SND1: variants seen among roughly 807,000 people sequenced by gnomAD.
The protein encoded by SND1 is staphylococcal nuclease domain-containing protein 1.
Under a neutral mutation model 121.7 loss-of-function variants are expected in SND1, and 38 were observed. The observed-to-expected ratio is 0.31, with a 90% CI of 0.24 to 0.41. The LOEUF (loss-of-function observed/expected upper bound fraction) is 0.41, where lower values mean the gene tolerates loss of function less well. SND1 is among the 10% of genes least tolerant of loss of function. SND1 has a pLI of 1.00. For synonymous variants in SND1, 401 were observed against 447.4 expected (o/e 0.90, Z 1.31); for missense variants, 868 against 1,184.6 (o/e 0.73, Z 3.92).
At chr7:127,831,362 T>G (rs1798735192) in intron 11 of SND1, among the ~76,000 whole-genome samples, 1 of 152,216 alleles carries the variant, frequency 6.6e-6, no homozygotes, top group South Asian at 2.1e-4. Flanking sequence ...TGCAGCTAGG[T>G]ATAACAAACA....
chr7:127,838,205 A>G (rs1467765739), intron 11 of SND1, among the ~76,000 whole-genome samples: 2 of 152,190 alleles, frequency 1.3e-5, no homozygotes, highest in Admixed American at 6.5e-5. Context: ...ACAGATGTCA[A>G]CTACTGATTA....
intron 10 of SND1, among the ~76,000 whole-genome samples, chr7:127,801,439 G>T (rs774497093): frequency 6.6e-6 from 1 of 151,952 alleles, no homozygotes; most frequent in African/African-American, 2.4e-5. Context: ...TCAATTGTCC[G>T]TTATTTACTG....
intron 14 of SND1, among the ~76,000 whole-genome samples, chr7:127,913,104 A>G (rs1379854867): frequency 6.6e-6 from 1 of 152,172 alleles, no homozygotes; most frequent in Non-Finnish European, 1.5e-5. Context: ...TCTGCAATTC[A>G]ACACCTCAGA....
chr7:128,071,771 T>C (rs988145315), intron 16 of SND1, among the ~76,000 whole-genome samples: 1 of 152,174 alleles, frequency 6.6e-6, no homozygotes, highest in African/African-American at 2.4e-5. Context: ...TTTGTTTGAT[T>C]GAGAAATTAC....
intron 16 of SND1, among the ~76,000 whole-genome samples, chr7:128,073,277 C>T (rs989148432): frequency 6.6e-6 from 1 of 152,170 alleles, no homozygotes; most frequent in African/African-American, 2.4e-5. Context: ...ATCTCTTTTT[C>T]GTTAATAACT....
At chr7:127,770,937 G>A (rs892969234) in intron 10 of SND1, among the ~76,000 whole-genome samples, 1 of 152,084 alleles carries the variant, frequency 6.6e-6, no homozygotes, top group South Asian at 2.1e-4. Flanking sequence ...TTTTAATTTT[G>A]GTGGCCAGAG....
rs1230451573 is a variant in SND1 at position 128,089,708 on chromosome 7, A to G, written c.2622+16A>G. The stretch of plus-strand genomic sequence containing the variant: ...CCAGAAAGTGGTATGTGATGTGGAG[A>G]GGCGGCCCCAGCATTGCGCCACCAC... On this transcript the variant is annotated intron_variant, in intron 22 of 23. Transcript: ENST00000354725. 6.2e-7 allele frequency: 1 copy of G among 1,611,698 alleles called. No homozygotes were observed. The highest frequency in any genetic ancestry group is 1.1e-5 in the South Asian group (1 of 90,892).
chr7:127,953,736 T>C (rs2116859044), intron 15 of SND1, among the ~76,000 whole-genome samples: 1 of 152,330 alleles, frequency 6.6e-6, no homozygotes. Context: ...TTCACTTGGA[T>C]TTGAAGGTAT....
chr7:127,923,858 A>G (rs1319142465), intron 14 of SND1, among the ~76,000 whole-genome samples: 1 of 152,146 alleles, frequency 6.6e-6, no homozygotes, highest in Admixed American at 6.5e-5. Context: ...TTGCTTCAGT[A>G]TCCTTAACGA....
rs1329717794 is a variant in SND1 at position 128,052,039 on chromosome 7, C to T, written c.1780-22463C>T. Among the ~76,000 whole-genome samples, 1 of 152,200 alleles carries T rather than the reference C, an allele frequency of 6.6e-6. No homozygotes were observed. Among genetic ancestry groups the T allele is most frequent in the Admixed American group, 6.5e-5 (1 of 15,280 alleles). On this transcript the variant is annotated intron_variant, in intron 16 of 23. Transcript: ENST00000354725. The surrounding 1 kb of genome is among the most constrained non-coding windows in gnomAD (Gnocchi z 4.6). ...AGGACTTTTCTAACAGTGAAATGGGCTTCTTTGAAGGAGATCGAAGTTGAT... is the reference window on the plus strand; with the variant it reads ...AGGACTTTTCTAACAGTGAAATGGGTTTCTTTGAAGGAGATCGAAGTTGAT...
At chr7:127,776,737 G>T (rs1797627404) in intron 10 of SND1, among the ~76,000 whole-genome samples, 1 of 152,114 alleles carries the variant, frequency 6.6e-6, no homozygotes, top group South Asian at 2.1e-4. Flanking sequence ...GTACAGGGGT[G>T]GTATAAAACA....
At chr7:127,658,186 G>A (rs1410524821) in intron 1 of SND1, among the ~76,000 whole-genome samples, 4 of 152,202 alleles carry the variant, frequency 2.6e-5, no homozygotes, top group East Asian at 1.9e-4. Flanking sequence ...ATGGTGGCGC[G>A]CGCCTGTAGT....
At chr7:127,864,751 T>C (rs534653585) in intron 12 of SND1, among the ~76,000 whole-genome samples, 1 of 152,240 alleles carries the variant, frequency 6.6e-6, no homozygotes, top group African/African-American at 2.4e-5. Flanking sequence ...CTAGAGACAG[T>C]TTTTCTTTAT....
intron 10 of SND1, among the ~76,000 whole-genome samples, chr7:127,722,881 A>G (rs1796520379): frequency 6.6e-6 from 1 of 152,190 alleles, no homozygotes; most frequent in Non-Finnish European, 1.5e-5. Context: ...ATTTAAATGT[A>G]TGAAAGCCTA....
chr7:127,847,699 T>C (rs1239918416), intron 12 of SND1, among the ~76,000 whole-genome samples: 1 of 152,250 alleles, frequency 6.6e-6, no homozygotes, highest in Non-Finnish European at 1.5e-5. Context: ...TTCCTCTTTA[T>C]TAAATTTTTT....
intron 10 of SND1, among the ~76,000 whole-genome samples, chr7:127,765,963 T>C (rs1446059985): frequency 6.6e-6 from 1 of 152,232 alleles, no homozygotes; most frequent in African/African-American, 2.4e-5. Context: ...TTTTGATGGC[T>C]GTTGTGGTCA....
At chr7:128,053,922 A>G (rs1166152259) in intron 16 of SND1, among the ~76,000 whole-genome samples, 1 of 152,138 alleles carries the variant, frequency 6.6e-6, no homozygotes, top group Non-Finnish European at 1.5e-5. Flanking sequence ...TCAAAGCTTT[A>G]TTGCCCACAC....
intron 1 of SND1, among the ~76,000 whole-genome samples, chr7:127,677,401 A>G (rs547128800): frequency 1.3e-5 from 2 of 152,348 alleles, no homozygotes; most frequent in East Asian, 1.9e-4. Flanking sequence ...TCTTATTGCC[A>G]TATACTGCAG....
At chr7:127,811,432 T>C (rs1798332950) in intron 11 of SND1, among the ~76,000 whole-genome samples, 1 of 152,192 alleles carries the variant, frequency 6.6e-6, no homozygotes, top group Non-Finnish European at 1.5e-5. Flanking sequence ...GACATCTGGC[T>C]CTCCTCCGGT....
Sources: gnomAD v4.1 joint callset for allele counts (sites outside exome capture counted in the v4.1 genomes callset) on GRCh38, gnomAD v4.1.1 for gene constraint, Gnocchi (gnomAD v3.1) non-coding constraint, MANE v1.5 for transcripts, NCBI Gene and HGNC (gene_info 2026-07-23, HGNC 2026-07-21) for gene names.